The following STK17B variants were observed in gnomAD, a reference collection of about 807,000 sequenced individuals.
The protein encoded by STK17B is serine/threonine kinase 17b.
Under a neutral mutation model 42.0 loss-of-function variants are expected in STK17B, and 21 were observed. The ratio of observed to expected loss-of-function variants is 0.50; its 90% CI spans 0.35 to 0.72. The LOEUF is 0.72. Ranked by LOEUF, STK17B falls within the 30% of genes least tolerant of loss-of-function variation. The probability of loss-of-function intolerance (pLI) is 0.00; values close to 1 mark genes in which losing one functional copy is unlikely to be tolerated. For synonymous variants in STK17B, 143 were observed against 148.4 expected (o/e 0.96, Z 0.26); for missense variants, 349 against 446.0 (o/e 0.78, Z 1.96).
chr2:196,155,734 A>G (rs16845888), intron 3 of STK17B, among the ~76,000 whole-genome samples: 15,838 of 152,204 alleles, frequency 0.1, 1,594 homozygotes, highest in African/African-American at 0.27. Context: ...GTGACAGACA[A>G]TCATGCAACA....
chr2:196,170,092 T>C (rs1267907985), intron 1 of STK17B, among the ~76,000 whole-genome samples: 1 of 152,194 alleles, frequency 6.6e-6, no homozygotes, highest in African/African-American at 2.4e-5. Flanking sequence ...GGGTACACGG[T>C]CTAATATTTA....
intron 3 of STK17B, among the ~76,000 whole-genome samples, chr2:196,152,317 C>T (rs1012182517): frequency 1.3e-5 from 2 of 152,018 alleles, no homozygotes; most frequent in Non-Finnish European, 2.9e-5. Flanking sequence ...CCCTGTTAGC[C>T]AGAATAGTCT....
At chr2:196,139,541 A>C in intron 7 of STK17B, 79 bp downstream of exon 7, 1 of 889,868 alleles carries the variant, frequency 1.1e-6, no homozygotes, top group Non-Finnish European at 1.5e-6. Context: ...TACTTTCTTA[A>C]TAGGTATATA....
At chr2:196,163,237 C>T (rs1470136151) in intron 2 of STK17B, 25 bp downstream of exon 2, 1 of 1,605,928 alleles carries the variant, frequency 6.2e-7, no homozygotes, top group East Asian at 2.2e-5. Context: ...ATTTAGATGG[C>T]ATACACGTCA....
rs1699359589 is a variant in STK17B at position 196,134,004 on chromosome 2, G to T, written c.*3443C>A. On this transcript the variant is annotated 3_prime_UTR_variant, in exon 8 of 8. Coordinates refer to ENST00000263955, the MANE Select transcript of STK17B (RefSeq NM_004226.4). ...ATGAATAAGGACAAGATATCAAACT[G>T]AAAATTCAAAAATAAACAGAAGAAA... is the stretch of plus-strand genomic sequence containing the variant. The T allele has an allele frequency of 6.6e-6, 1 of 152,072 alleles. No homozygotes were observed. Among genetic ancestry groups the T allele is most frequent in the East Asian group, 1.9e-4 (1 of 5,198 alleles). The allele number at this position is 152,072 out of a possible 1,614,324, so 9.4% of individuals were successfully genotyped here.
chr2:196,140,991 G>A (rs114440964), intron 6 of STK17B, among the ~76,000 whole-genome samples: 1,759 of 152,280 alleles, frequency 0.012, 20 homozygotes, highest in Non-Finnish European at 0.017. Context: ...TGTACTGCAA[G>A]TATTTTGTTC....
intron 5 of STK17B, 41 bp downstream of exon 5, chr2:196,143,519 T>C (rs1290503206): frequency 1.3e-6 from 2 of 1,548,114 alleles, no homozygotes; most frequent in Non-Finnish European, 1.7e-6. Context: ...ATTTACTTAA[T>C]AAATTTCAAA....
intron 3 of STK17B, among the ~76,000 whole-genome samples, chr2:196,152,684 T>A (rs1303791429): frequency 6.6e-6 from 1 of 152,202 alleles, no homozygotes; most frequent in Non-Finnish European, 1.5e-5. Flanking sequence ...CTGGAATATA[T>A]TCTTAAGTAA....
chr2:196,145,813 C>A lies in STK17B; in HGVS notation c.480+98G>T, dbSNP rs1699564773. On this transcript the variant is annotated intron_variant, in intron 4 of 7. Transcript: ENST00000263955. Reference sequence around the variant, plus strand: ...CCAGTGCAGTCTAGAAGACCAGGAACCAACCATTGTTTCCTGTTAATACCA... The same window carrying A: ...CCAGTGCAGTCTAGAAGACCAGGAAACAACCATTGTTTCCTGTTAATACCA... The A allele has an allele frequency of 1.0e-5, 13 of 1,244,762 alleles. No individual in the cohort carries two copies. In the South Asian group the frequency reaches 2.2e-4, roughly 21 times the overall value. 77.1% of individuals were successfully genotyped at this position (1,244,762 alleles called of 1,614,324 possible).
At chr2:196,149,362 C>T (rs1251270948) in intron 3 of STK17B, among the ~76,000 whole-genome samples, 2 of 152,086 alleles carry the variant, frequency 1.3e-5, no homozygotes, top group Admixed American at 6.6e-5. Flanking sequence ...GACTGGGTTT[C>T]ACCGTGTTAG....
chr2:196,141,166 A>G, intron 6 of STK17B, 83 bp downstream of exon 6: 1 of 955,166 alleles, frequency 1.0e-6, no homozygotes, highest in South Asian at 1.5e-5. Flanking sequence ...CTTATTATTT[A>G]TTACTCTTGG....
rs780843959 is a variant in STK17B at position 196,163,217 on chromosome 2, C to A, written c.122+45G>T. The A allele has an allele frequency of 5.0e-6, 8 of 1,594,996 alleles. No homozygotes were observed. In the South Asian group the frequency reaches 9.1e-5, roughly 18 times the overall value. On this transcript the variant is annotated intron_variant, in intron 2 of 7. Coordinates refer to ENST00000263955, the MANE Select transcript of STK17B (RefSeq NM_004226.4). ...TTATAGAATTATAAAAACACAAATC[C>A]AAAATTTGAATTTAGATGGCATACA...
intron 3 of STK17B, among the ~76,000 whole-genome samples, chr2:196,146,876 T>C (rs1468138571): frequency 1.3e-5 from 2 of 152,174 alleles, no homozygotes; most frequent in Non-Finnish European, 2.9e-5. Flanking sequence ...CATCTTGTAC[T>C]GTAGCTTCAT....
intron 3 of STK17B, among the ~76,000 whole-genome samples, chr2:196,149,163 AT>A (rs58482045): frequency 0.015 from 2,141 of 143,520 alleles, 59 homozygotes; most frequent in Admixed American, 0.075. Flanking sequence ...GATAACAGCT[AT>A]TTTTTTTTTT....
Position 196,163,317 on chromosome 2 carries a change from T to C in STK17B, c.67A>G (p.Ile23Val). ...GLLTTTPQIP[I>V]KMENFNNFYI... is the part of the protein sequence containing the mutation. ...AAATTATTAAAGTTTTCCATTTTTA[T>C]TGGAATTTGAGGAGTTGTAGTTAGT... Residue 23 changes from isoleucine (I) to valine (V), a missense_variant, in exon 2 of 8, where the codon ATA becomes GTA. This residue lies in a region of STK17B where 256 missense variants were observed against 347.7 expected (regional missense o/e 0.74). Coordinates refer to ENST00000263955, the MANE Select transcript of STK17B (RefSeq NM_004226.4). 1 of 1,607,156 alleles carries C rather than the reference T, an allele frequency of 6.2e-7. No individual in the cohort carries two copies. Among genetic ancestry groups the C allele is most frequent in the Non-Finnish European group, 8.5e-7 (1 of 1,178,372 alleles).
intron 3 of STK17B, among the ~76,000 whole-genome samples, chr2:196,149,399 C>G: frequency 6.6e-6 from 1 of 152,048 alleles, no homozygotes; most frequent in Non-Finnish European, 1.5e-5. Context: ...CTCCTGACCT[C>G]GTGATCCGCC....
At chr2:196,155,730 GACAA>G (rs1699729476) in intron 3 of STK17B, among the ~76,000 whole-genome samples, 1 of 151,968 alleles carries the variant, frequency 6.6e-6, no homozygotes, top group African/African-American at 2.4e-5. Context: ...AAACGTGACA[GACAA>G]TCATGCAACA....
rs188208251 is a variant in STK17B, at chr2:196,168,927, G to C, written c.-45+2406C>G. 1.6e-3 allele frequency among the ~76,000 whole-genome samples: 246 copies of C among 152,242 alleles called. 1 individual carries two copies. The highest frequency in any genetic ancestry group is 3.2e-3 in the Non-Finnish European group (216 of 68,004). On this transcript the variant is annotated intron_variant, in intron 1 of 7. Coordinates refer to ENST00000263955, the MANE Select transcript of STK17B (RefSeq NM_004226.4). ...TGAAAAACTAAAGCAACTGACATTT[G>C]AAGTTTTCCTAAGTGGAAAGGTAGT...
chr2:196,137,240 T>C lies in STK17B; in HGVS notation c.*207A>G. 2.0e-6 allele frequency: 1 copy of C among 500,036 alleles called. No homozygotes were observed. Among genetic ancestry groups the C allele is most frequent in the South Asian group, 4.0e-5 (1 of 24,776 alleles). The allele number at this position is 500,036 out of a possible 1,614,324, so 31.0% of individuals were successfully genotyped here. ...TTTTACTTTTTGTCATATATTTAAA[T>C]ATTTTCTTATCTGCAGAGCTATCTC... On this transcript the variant is annotated 3_prime_UTR_variant, in exon 8 of 8. Transcript: ENST00000263955.
Sources: gnomAD v4.1 joint callset for allele counts (sites outside exome capture counted in the v4.1 genomes callset) on GRCh38, gnomAD v4.1.1 for gene constraint, gnomAD v4.1.1 regional missense constraint, MANE v1.5 for transcripts, NCBI Gene and HGNC (gene_info 2026-07-23, HGNC 2026-07-21) for gene names.